Variants in MICU1 observed in about 807,000 individuals in gnomAD.
MICU1 encodes calcium uptake protein 1, mitochondrial.
A neutral mutation model predicts 56.8 loss-of-function variants in MICU1; 45 were observed. The ratio of observed to expected loss-of-function variants is 0.79; its 90% confidence interval spans 0.62 to 1.02. The LOEUF (loss-of-function observed/expected upper bound fraction) is 1.02. Ranked by LOEUF, MICU1 falls within the 50% of genes least tolerant of loss-of-function variation. The probability of loss-of-function intolerance (pLI) is 0.00; values close to 1 mark genes in which losing one functional copy is unlikely to be tolerated. For missense variants in MICU1, 504 were observed against 587.1 expected (o/e 0.86, Z 1.46); for synonymous variants, 186 against 195.1 (o/e 0.95, Z 0.39).
At chr10:72,610,572 T>C (rs1390385053) in intron 1 of MICU1, among the ~76,000 whole-genome samples, 1 of 152,144 alleles carries the variant, frequency 6.6e-6, no homozygotes, top group African/African-American at 2.4e-5. Context: ...AGTACTGGAA[T>C]TACCAGAACT....
chr10:72,569,237 A>ATATATATATATATATATTTT, intron 1 of MICU1, among the ~76,000 whole-genome samples: 1 of 34,380 alleles, frequency 2.9e-5, no homozygotes, highest in Non-Finnish European at 5.1e-5. Context: ...ATATATATAT[A>ATATATATATATATATATTTT]TTTTTTTTTT....
At chr10:72,384,112 G>A (rs1862809875) in intron 10 of MICU1, among the ~76,000 whole-genome samples, 1 of 152,154 alleles carries the variant, frequency 6.6e-6, no homozygotes, top group South Asian at 2.1e-4. Context: ...TCCCGCCTCA[G>A]CCTCGGAAGT....
intron 1 of MICU1, among the ~76,000 whole-genome samples, chr10:72,591,410 A>C (rs1797775807): frequency 6.6e-6 from 1 of 152,136 alleles, no homozygotes; most frequent in African/African-American, 2.4e-5. Context: ...AGAGAAAAAA[A>C]TAGAGAAAAA....
chr10:72,539,053 A>G (rs1213676737), intron 4 of MICU1, among the ~76,000 whole-genome samples: 1 of 152,164 alleles, frequency 6.6e-6, no homozygotes, highest in East Asian at 1.9e-4. Context: ...ACAATTGTAA[A>G]TATATATGAA....
intron 5 of MICU1, among the ~76,000 whole-genome samples, chr10:72,512,445 T>C (rs1233953397): frequency 6.6e-6 from 1 of 152,098 alleles, no homozygotes; most frequent in Non-Finnish European, 1.5e-5. Flanking sequence ...AACTCCCAAA[T>C]AAAGATAACA....
intron 8 of MICU1, among the ~76,000 whole-genome samples, chr10:72,449,106 A>C (rs1865213832): frequency 6.6e-6 from 1 of 152,098 alleles, no homozygotes; most frequent in African/African-American, 2.4e-5. Flanking sequence ...CTAATTTAAA[A>C]AATTTTTTAA....
At position 72,370,451 on chromosome 10, in the gene MICU1, G is replaced by A. The variant is rs145612320; in HGVS notation, c.1271-2096C>T. On this transcript the variant is annotated intron_variant, in intron 11 of 11. Transcript: ENST00000361114. ...ATGTTTTCTGGCTGAAGAGAGTATG[G>A]GCATCCTCAGAGACAGGAAACCCCC... Among the ~76,000 whole-genome samples, 252 of 151,926 alleles carry A rather than the reference G, an allele frequency of 1.7e-3. 1 individual carries two copies. Among genetic ancestry groups the A allele is most frequent in the East Asian group, 0.012 (61 of 5,162 alleles).
At chr10:72,518,463 A>G (rs1276074940) in intron 5 of MICU1, among the ~76,000 whole-genome samples, 3 of 152,198 alleles carry the variant, frequency 2.0e-5, no homozygotes, top group East Asian at 1.9e-4. Context: ...ATAGTAAACT[A>G]TAAGAAAGAA....
intron 10 of MICU1, among the ~76,000 whole-genome samples, chr10:72,383,230 A>G (rs1862776658): frequency 6.8e-6 from 1 of 147,448 alleles, no homozygotes; most frequent in Non-Finnish European, 1.5e-5. Context: ...TAGGCAACAG[A>G]GCAAGACCCT....
intron 6 of MICU1, among the ~76,000 whole-genome samples, chr10:72,489,715 C>A (rs1359548090): frequency 2.0e-5 from 3 of 152,150 alleles, no homozygotes; most frequent in Non-Finnish European, 2.9e-5. Flanking sequence ...GGTCTCCACC[C>A]TGTATGTTTT....
intron 10 of MICU1, among the ~76,000 whole-genome samples, chr10:72,402,024 A>T (rs557867121): frequency 6.6e-6 from 1 of 152,154 alleles, no homozygotes; most frequent in East Asian, 1.9e-4. Context: ...AGATTGTTCT[A>T]TATCTTCCCC....
chr10:72,433,719 C>A (rs934618539), intron 8 of MICU1, among the ~76,000 whole-genome samples: 15 of 152,300 alleles, frequency 9.8e-5, no homozygotes, highest in African/African-American at 3.1e-4. Flanking sequence ...CGTGAGGCAC[C>A]GTGCCCAGCC....
intron 8 of MICU1, among the ~76,000 whole-genome samples, chr10:72,453,951 T>TGGG (rs1446572841): frequency 6.6e-6 from 1 of 152,160 alleles, no homozygotes; most frequent in Admixed American, 6.5e-5. Context: ...TTTTCTTGCC[T>TGGG]CAGCCTCCTG....
chr10:72,486,604 T>C (rs2132293598), intron 6 of MICU1, among the ~76,000 whole-genome samples: 1 of 152,218 alleles, frequency 6.6e-6, no homozygotes, highest in East Asian at 1.9e-4. Context: ...CTCAAGTAGC[T>C]GAGATTGCAG....
intron 1 of MICU1, among the ~76,000 whole-genome samples, chr10:72,602,921 C>A (rs1408553405): frequency 6.6e-6 from 1 of 152,062 alleles, no homozygotes; most frequent in Non-Finnish European, 1.5e-5. Flanking sequence ...TCCTGGCTAA[C>A]ATGGTGAAAC....
At chr10:72,493,142 C>T (rs894491344) in intron 6 of MICU1, among the ~76,000 whole-genome samples, 2 of 152,154 alleles carry the variant, frequency 1.3e-5, no homozygotes, top group South Asian at 2.1e-4. Context: ...CAGTAATTAG[C>T]AAAACTCCAT....
intron 8 of MICU1, among the ~76,000 whole-genome samples, chr10:72,426,801 A>T (rs1864361168): frequency 6.6e-6 from 1 of 152,154 alleles, no homozygotes; most frequent in African/African-American, 2.4e-5. Flanking sequence ...CTCAACCGCT[A>T]TCTTAAGCTG....
intron 1 of MICU1, among the ~76,000 whole-genome samples, chr10:72,598,404 C>T (rs1052351236): frequency 1.3e-5 from 2 of 151,872 alleles, no homozygotes; most frequent in Non-Finnish European, 2.9e-5. Context: ...TACAGGCGCC[C>T]GCCACCACGT....
chr10:72,562,147 C>CTCTTT (rs1648524582), intron 3 of MICU1, among the ~76,000 whole-genome samples: 4 of 82,650 alleles, frequency 4.8e-5, no homozygotes, highest in Non-Finnish European at 2.2e-5. Context: ...TACATAAAAT[C>CTCTTT]TTTTTTTTTT....
Sources: allele counts gnomAD v4.1 joint callset (sites outside exome capture counted in the v4.1 genomes callset), GRCh38; gene constraint gnomAD v4.1.1; transcripts MANE v1.5; gene names NCBI Gene and HGNC (gene_info 2026-07-23, HGNC 2026-07-21).